NFATC3: variants seen among roughly 807,000 people sequenced by gnomAD.
NFATC3 encodes nuclear factor of activated T cells 3.
Under a neutral mutation model 98.6 loss-of-function variants are expected in NFATC3, and 46 were observed. That is an observed-to-expected ratio of 0.47 (90% confidence interval 0.37 to 0.60). The LOEUF is 0.60. Ranked by LOEUF, NFATC3 falls within the 20% of genes least tolerant of loss-of-function variation. The pLI, the probability that NFATC3 is intolerant of heterozygous loss-of-function variation, is 0.00. For missense variants in NFATC3, 1,256 were observed against 1,295.5 expected, an observed-to-expected ratio of 0.97 and a Z score of 0.47; for synonymous variants, 512 against 472.2, an observed-to-expected ratio of 1.08 and a Z score of -1.09.
At chr16:68,210,190 C>A (rs912792946) in intron 9 of NFATC3, among the ~76,000 whole-genome samples, 6 of 151,228 alleles carry the variant, frequency 4.0e-5, no homozygotes, top group African/African-American at 1.5e-4. Context: ...CCCAGCTACT[C>A]GGGAGGCTGA....
chr16:68,145,969 C>T (rs1254945557), intron 3 of NFATC3, among the ~76,000 whole-genome samples: 1 of 152,000 alleles, frequency 6.6e-6, no homozygotes, highest in Non-Finnish European at 1.5e-5. Context: ...TTGGGGGAAA[C>T]TAGGTGCAGG....
chr16:68,219,740 C>A (rs963007978), intron 9 of NFATC3, among the ~76,000 whole-genome samples: 14 of 152,124 alleles, frequency 9.2e-5, no homozygotes, highest in African/African-American at 3.4e-4. Context: ...AAAAATACCC[C>A]GAAATCCTTT....
chr16:68,164,571 T>C (rs1446382867), intron 4 of NFATC3, among the ~76,000 whole-genome samples: 1 of 152,192 alleles, frequency 6.6e-6, no homozygotes, highest in East Asian at 1.9e-4. Context: ...GGATTAATAT[T>C]GATGTAGCAG....
rs1423922407 is a variant in NFATC3, at chr16:68,122,605, C to T, written c.722C>T (p.Pro241Leu). 2 of 1,614,002 alleles carry T rather than the reference C, an allele frequency of 1.2e-6. No individual in the cohort carries two copies. The highest frequency in any genetic ancestry group is 2.7e-5 in the African/African-American group (2 of 74,920). ...LGHSLSPRQS[P>L]CHSPRSSVTD... Reference sequence around the variant, plus strand: ...CACTCATTATCACCCAGGCAATCTCCTTGCCACTCTCCTAGATCCAGTGTC... The same window carrying T: ...CACTCATTATCACCCAGGCAATCTCTTTGCCACTCTCCTAGATCCAGTGTC... Residue 241 changes from proline (P) to leucine (L), a missense_variant, in exon 2 of 10, where the codon CCT becomes CTT. Pro to Leu is a moderately conservative substitution (Grantham distance 98). This residue lies in a region of NFATC3 where 464 missense variants were observed against 465.7 expected (regional missense o/e 1.00). Coordinates refer to ENST00000346183, the MANE Select transcript of NFATC3 (RefSeq NM_173165.3).
chr16:68,147,369 A>G (rs998947484), intron 3 of NFATC3, among the ~76,000 whole-genome samples: 1 of 152,100 alleles, frequency 6.6e-6, no homozygotes, highest in Non-Finnish European at 1.5e-5. Context: ...TTCTTTTTCT[A>G]TATAAGAGCA....
At position 68,227,959 on chromosome 16, in the gene NFATC3, G is replaced by A. The variant is rs1212802262; in HGVS notation, c.*1488G>A. On this transcript the variant is annotated 3_prime_UTR_variant, in exon 10 of 10. Transcript: ENST00000346183. ...AGATTTTTTGAGTGCCTATATGTGA[G>A]ACAGTGTGCTGGTTGAAGGCCTGAT... 1 of 152,080 alleles carries A rather than the reference G, an allele frequency of 6.6e-6. No individual in the cohort carries two copies. The highest frequency in any genetic ancestry group is 1.5e-5 in the Non-Finnish European group (1 of 68,032). The allele number at this position is 152,080 out of a possible 1,614,324, so 9.4% of individuals were successfully genotyped here.
intron 9 of NFATC3, 69 bp downstream of exon 9, chr16:68,191,844 A>T (rs753714981): frequency 6.5e-7 from 1 of 1,543,944 alleles, no homozygotes; most frequent in South Asian, 1.2e-5. Context: ...AAGTGTCATG[A>T]AAAAGTTTCT....
rs2041862190 is a variant in NFATC3, at chr16:68,221,451, G to A, written c.3107-4899G>A. 5 of 1,331,248 alleles carry A rather than the reference G, an allele frequency of 3.8e-6. No homozygotes were observed. The South Asian group carries it at 1.1e-4, about 30-fold the overall frequency. The allele number at this position is 1,331,248 out of a possible 1,614,324, so 82.5% of individuals were successfully genotyped here. A position where few individuals can be genotyped will look rare whatever the true frequency, so the allele number is the denominator to read the frequency against. On this transcript the variant is annotated intron_variant, in intron 9 of 9. Coordinates refer to ENST00000346183, the MANE Select transcript of NFATC3 (RefSeq NM_173165.3). ...TAAAATTTATATTCAGTGCTCACCT[G>A]TAGCAATTACTTGAGCATGATTTTT...
In NFATC3 at chr16:68,085,605, T is replaced by G; in HGVS notation, c.-77T>G. On this transcript the variant is annotated 5_prime_UTR_variant, in exon 1 of 10. Coordinates refer to ENST00000346183, the MANE Select transcript of NFATC3 (RefSeq NM_173165.3). ...CCGCGCGGCCCGGCATGAAGCGGCG[T>G]TGAGGAGCTGCTGCCGCCGCTTGCC... The G allele has an allele frequency of 1.5e-6, 2 of 1,300,178 alleles. No homozygotes were observed. Among genetic ancestry groups the G allele is most frequent in the Non-Finnish European group, 2.1e-6 (2 of 969,256 alleles). 80.5% of individuals were successfully genotyped at this position (1,300,178 alleles called of 1,614,324 possible).
chr16:68,087,078 T>C (rs1377493352), intron 1 of NFATC3, among the ~76,000 whole-genome samples: 1 of 152,152 alleles, frequency 6.6e-6, no homozygotes, highest in East Asian at 1.9e-4. Flanking sequence ...CATTTTATAG[T>C]AGAGGAAGAA....
chr16:68,178,455 A>G (rs1005119867), intron 6 of NFATC3, among the ~76,000 whole-genome samples: 8 of 152,216 alleles, frequency 5.3e-5, no homozygotes, highest in East Asian at 3.8e-4. Flanking sequence ...TAGCAGTGCT[A>G]TGTGATATAG....
In NFATC3 at chr16:68,166,990, G is replaced by A. The variant is rs1460254614; in HGVS notation, c.1749G>A (p.Gln583=). The A allele has an allele frequency of 1.9e-6, 3 of 1,614,124 alleles. No individual in the cohort carries two copies. The highest frequency in any genetic ancestry group is 3.3e-4 in the Middle Eastern group (2 of 6,062). ...CCAGTGGAAAAGTCCTTTCTCTGCA[G>A]ATAGCCTCTATACCCGTTGAGTGCT... ...PQPSGKVLSL[Q]IASIPVECSQ... Residue 583 remains glutamine, a synonymous_variant, in exon 5 of 10, where the codon CAG becomes CAA. Transcript: ENST00000346183.
At chr16:68,121,895 A>G (rs768653585) in intron 1 of NFATC3, 92 bp from the exon 2 acceptor site, 35 of 1,399,650 alleles carry the variant, frequency 2.5e-5, no homozygotes, top group Non-Finnish European at 3.3e-5. Context: ...CGAGATTGTT[A>G]TTATTTACTT....
intron 6 of NFATC3, 98 bp from the exon 7 acceptor site, chr16:68,181,377 C>G (rs2039943493): frequency 2.5e-6 from 2 of 806,510 alleles, no homozygotes; most frequent in Admixed American, 4.5e-5. Flanking sequence ...AAAAGATCCC[C>G]TTTGTTAATA....
At chr16:68,169,669 C>T (rs759813530) in intron 5 of NFATC3, among the ~76,000 whole-genome samples, 3 of 151,826 alleles carry the variant, frequency 2.0e-5, no homozygotes, top group Non-Finnish European at 2.9e-5. Flanking sequence ...GGCCAGGCGC[C>T]GTGGCTCATA....
rs182218451 is a variant in NFATC3, at chr16:68,103,190, T to A, written c.103+17406T>A. 5.3e-3 allele frequency among the ~76,000 whole-genome samples: 799 copies of A among 150,978 alleles called. 8 individuals are homozygous for A. The highest frequency in any genetic ancestry group is 0.017 in the African/African-American group (713 of 41,442). On this transcript the variant is annotated intron_variant, in intron 1 of 9. Coordinates refer to ENST00000346183, the MANE Select transcript of NFATC3 (RefSeq NM_173165.3). ...CTTTTCTTTTTTCTTCTTTTTTTTTTATTTTATTATTATTATTATTATTTT... is the reference window on the plus strand; with the variant it reads ...CTTTTCTTTTTTCTTCTTTTTTTTTAATTTTATTATTATTATTATTATTTT...
At chr16:68,221,681 G>A (rs2041869868) in intron 9 of NFATC3, 11 of 737,114 alleles carry the variant, frequency 1.5e-5, no homozygotes, top group South Asian at 6.1e-5. Context: ...AGTATAGTCC[G>A]CTTGAGCACT....
At chr16:68,207,708 C>G (rs1285832760) in intron 9 of NFATC3, among the ~76,000 whole-genome samples, 1 of 152,188 alleles carries the variant, frequency 6.6e-6, no homozygotes, top group African/African-American at 2.4e-5. Flanking sequence ...GTCACCCACC[C>G]TCCTCAGCCT....
chr16:68,175,558 A>T (rs1202185472), intron 6 of NFATC3, among the ~76,000 whole-genome samples: 1 of 152,140 alleles, frequency 6.6e-6, no homozygotes, highest in Non-Finnish European at 1.5e-5. Context: ...TTTAAAACTT[A>T]TGAAAGACTT....
Sources: allele counts gnomAD v4.1 joint callset (sites outside exome capture counted in the v4.1 genomes callset), GRCh38; gene constraint gnomAD v4.1.1; regional missense constraint gnomAD v4.1.1; transcripts MANE v1.5; gene names NCBI Gene and HGNC (gene_info 2026-07-23, HGNC 2026-07-21).